The following AFAP1L1 variants were observed in gnomAD, a reference collection of about 807,000 sequenced individuals.
AFAP1L1 encodes actin filament associated protein 1 like 1.
In AFAP1L1, 77 loss-of-function variants were observed where a neutral mutation model predicts 99.8. The observed-to-expected ratio is 0.77, with a 90% CI of 0.64 to 0.93. AFAP1L1 has a LOEUF of 0.93. Among genes scored for constraint, AFAP1L1 ranks in the 40% least tolerant of loss-of-function variants. The pLI is 0.00. For synonymous variants in AFAP1L1, 373 were observed against 395.3 expected (o/e 0.94, Z 0.67); for missense variants, 893 against 996.8 (o/e 0.90, Z 1.40).
rs180854278 is a variant in AFAP1L1 at position 149,323,710 on chromosome 5, G to C, written c.1810+993G>C. Among the ~76,000 whole-genome samples the C allele has an allele frequency of 1.3e-3, 195 of 152,186 alleles. 1 individual carries two copies. The highest frequency in any genetic ancestry group is 1.1e-3 in the Non-Finnish European group (75 of 68,020). On this transcript the variant is annotated intron_variant, in intron 15 of 18. Coordinates refer to ENST00000296721, the MANE Select transcript of AFAP1L1 (RefSeq NM_152406.4). ...TTCCTCCCTTGACTACTGAATTACT[G>C]TGTACCTCTGGGAAAAGTCCTTTCC...
Position 149,271,943 on chromosome 5 carries a change from C to T in AFAP1L1, c.-26C>T, listed in dbSNP as rs1755122422. 3 of 1,228,732 alleles carry T rather than the reference C, an allele frequency of 2.4e-6. No homozygotes were observed. The highest frequency in any genetic ancestry group is 4.3e-5 in the Admixed American group (1 of 23,454). The allele number at this position is 1,228,732 out of a possible 1,614,324, so 76.1% of individuals were successfully genotyped here. ...GCCGGAGCCCCTGCGCCCTGCGGCCCGCTCCCCGGGGACCGGGCCGGCGCC... is the reference window on the plus strand; with the variant it reads ...GCCGGAGCCCCTGCGCCCTGCGGCCTGCTCCCCGGGGACCGGGCCGGCGCC... On this transcript the variant is annotated 5_prime_UTR_variant, in exon 1 of 19. Transcript: ENST00000296721.
chr5:149,332,674 T>C, intron 16 of AFAP1L1, 21 bp from the exon 17 acceptor site: 1 of 1,603,684 alleles, frequency 6.2e-7, no homozygotes, highest in Non-Finnish European at 8.5e-7. Flanking sequence ...AGCTTTTTCT[T>C]ATCAATGTCT....
chr5:149,277,004 G>T (rs1430195461), intron 1 of AFAP1L1, among the ~76,000 whole-genome samples: 1 of 152,180 alleles, frequency 6.6e-6, no homozygotes, highest in Non-Finnish European at 1.5e-5. Context: ...TGTCATCACA[G>T]TTTTGCTTTT....
intron 16 of AFAP1L1, among the ~76,000 whole-genome samples, chr5:149,330,477 C>T (rs541021712): frequency 2.6e-5 from 4 of 152,230 alleles, no homozygotes; most frequent in African/African-American, 9.6e-5. Context: ...GGACGCTTTC[C>T]TAAGAAGAAA....
chr5:149,326,302 G>A (rs1329384401), intron 15 of AFAP1L1, among the ~76,000 whole-genome samples: 3 of 152,188 alleles, frequency 2.0e-5, no homozygotes, highest in Non-Finnish European at 4.4e-5. Flanking sequence ...ACTTTGGGAG[G>A]CTGAGGCAGG....
intron 6 of AFAP1L1, among the ~76,000 whole-genome samples, 153 bp from the exon 7 acceptor site, chr5:149,307,247 CAA>C (rs1159936338): frequency 6.7e-6 from 1 of 149,446 alleles, no homozygotes; most frequent in Admixed American, 6.6e-5. Flanking sequence ...ATTCCGTCTC[CAA>C]AAAAAAAGTA....
chr5:149,313,027 T>C (rs888598842), intron 9 of AFAP1L1, among the ~76,000 whole-genome samples: 2 of 150,622 alleles, frequency 1.3e-5, no homozygotes, highest in Non-Finnish European at 3.0e-5. Flanking sequence ...CTCAGGAGGC[T>C]GAGGGAGGAG....
At chr5:149,299,684 A>G (rs772948977) in intron 2 of AFAP1L1, 47 bp downstream of exon 2, 14 of 1,611,666 alleles carry the variant, frequency 8.7e-6, no homozygotes, top group African/African-American at 1.3e-5. Flanking sequence ...TATGTAGGAC[A>G]ACAAAACCTC....
intron 17 of AFAP1L1, among the ~76,000 whole-genome samples, chr5:149,333,758 C>T (rs1400580089): frequency 6.6e-6 from 1 of 152,216 alleles, no homozygotes; most frequent in Non-Finnish European, 1.5e-5. Flanking sequence ...CACTGGTTGC[C>T]AGTAGCACCT....
intron 1 of AFAP1L1, among the ~76,000 whole-genome samples, chr5:149,287,295 A>G (rs1008169207): frequency 2.0e-5 from 3 of 152,168 alleles, no homozygotes; most frequent in Non-Finnish European, 4.4e-5. Context: ...GTTGTACTAA[A>G]ACTATATAGA....
chr5:149,302,336 C>T (rs72837095), intron 4 of AFAP1L1, 82 bp from the exon 5 acceptor site: 443 of 962,810 alleles, frequency 4.6e-4, no homozygotes, highest in Non-Finnish European at 6.1e-4. Flanking sequence ...CTGCCTTCTG[C>T]GAGCTCCTGC....
At chr5:149,299,927 A>AAC (rs1756140351) in intron 2 of AFAP1L1, among the ~76,000 whole-genome samples, 1 of 151,436 alleles carries the variant, frequency 6.6e-6, no homozygotes, top group African/African-American at 2.4e-5. Context: ...ACTCACATAG[A>AAC]ACACACACAC....
At chr5:149,308,932 CAA>C (rs1354000424) in intron 7 of AFAP1L1, among the ~76,000 whole-genome samples, 1 of 118,506 alleles carries the variant, frequency 8.4e-6, no homozygotes, top group Non-Finnish European at 1.8e-5. Flanking sequence ...CCGTCTCTAC[CAA>C]AAAAAAAAAA....
chr5:149,283,937 G>A (rs1433067773), intron 1 of AFAP1L1, among the ~76,000 whole-genome samples: 1 of 152,228 alleles, frequency 6.6e-6, no homozygotes, highest in Non-Finnish European at 1.5e-5. Context: ...CTCCCAGTGT[G>A]GCAGAGAAAG....
At chr5:149,336,759 A>C (rs2127605955) in intron 18 of AFAP1L1, among the ~76,000 whole-genome samples, 1 of 152,350 alleles carries the variant, frequency 6.6e-6, no homozygotes, top group African/African-American at 2.4e-5. Context: ...ATCCATATTC[A>C]TGAAGATAGA....
chr5:149,314,746 A>G (rs1295857570), intron 9 of AFAP1L1, among the ~76,000 whole-genome samples: 1 of 152,192 alleles, frequency 6.6e-6, no homozygotes, highest in Non-Finnish European at 1.5e-5. Context: ...CCCCGGTGCT[A>G]TGCTTATGGT....
chr5:149,284,338 T>C (rs546437689), intron 1 of AFAP1L1, among the ~76,000 whole-genome samples: 103 of 152,332 alleles, frequency 6.8e-4, no homozygotes, highest in Non-Finnish European at 1.3e-3. Flanking sequence ...TGCCTGGGGT[T>C]TGAATCCTGG....
At chr5:149,322,402 G>A (rs1026963633) in intron 14 of AFAP1L1, among the ~76,000 whole-genome samples, 1 of 152,072 alleles carries the variant, frequency 6.6e-6, no homozygotes, top group Non-Finnish European at 1.5e-5. Flanking sequence ...GCCTTCTGCT[G>A]CCCCCCAGCA....
intron 8 of AFAP1L1, among the ~76,000 whole-genome samples, chr5:149,310,551 T>G (rs1021951938): frequency 5.9e-5 from 9 of 152,230 alleles, no homozygotes; most frequent in African/African-American, 2.2e-4. Context: ...GGCCAGTTTC[T>G]GCCTCTGCAG....
Sources: allele counts gnomAD v4.1 joint callset (sites outside exome capture counted in the v4.1 genomes callset), GRCh38; gene constraint gnomAD v4.1.1; transcripts MANE v1.5; gene names NCBI Gene and HGNC (gene_info 2026-07-23, HGNC 2026-07-21).